SPATA6: variants seen among roughly 807,000 people sequenced by gnomAD.
SPATA6 encodes spermatogenesis-associated protein 6.
Under a neutral mutation model 65.3 loss-of-function variants are expected in SPATA6, and 56 were observed. The ratio of observed to expected loss-of-function variants is 0.86; its 90% CI spans 0.69 to 1.07. SPATA6 has a LOEUF of 1.07. Ranked by LOEUF, SPATA6 falls within the 50% of genes least tolerant of loss-of-function variation. SPATA6 has a pLI of 0.00. For missense variants in SPATA6, 590 were observed against 594.8 expected (o/e 0.99, Z 0.08); for synonymous variants, 199 against 213.2 (o/e 0.93, Z 0.58).
At chr1:48,382,640 CCCGCCT>C (rs1648843465) in intron 9 of SPATA6, among the ~76,000 whole-genome samples, 1 of 89,304 alleles carries the variant, frequency 1.1e-5, no homozygotes, top group Non-Finnish European at 2.5e-5. Flanking sequence ...CCCCCCCCCC[CCCGCCT>C]CCCTCCCGGA....
chr1:48,298,824 AG>A lies in SPATA6; in HGVS notation c.1355del (p.Ser452PhefsTer46), dbSNP rs1325801074. The A allele has an allele frequency of 6.2e-6, 10 of 1,614,064 alleles. No homozygotes were observed. The highest frequency in any genetic ancestry group is 7.6e-6 in the Non-Finnish European group (9 of 1,179,954). On this transcript the variant is annotated frameshift_variant, in exon 13 of 13. Coordinates refer to ENST00000371847, the MANE Select transcript of SPATA6 (RefSeq NM_019073.4). LOFTEE classifies it high-confidence loss of function. ...TGGGTCGGTGGGATTTTCCCTTATA[AG>A]AGGCTGCCCTGTTGGACCAGTATTC... ...DGEYWSNRAASYKGKSHRPIF... is the reference protein window; with the variant it reads ...DGEYWSNRAAXYKGKSHRPIF...
intron 3 of SPATA6, among the ~76,000 whole-genome samples, chr1:48,426,543 T>C (rs1653854586): frequency 6.6e-6 from 1 of 152,064 alleles, no homozygotes; most frequent in Non-Finnish European, 1.5e-5. Flanking sequence ...CAGAATACCC[T>C]AGAAAGCAAG....
chr1:48,406,491 T>C (rs1359137412), intron 5 of SPATA6, among the ~76,000 whole-genome samples: 1 of 152,234 alleles, frequency 6.6e-6, no homozygotes, highest in Non-Finnish European at 1.5e-5. Context: ...CACACCATTT[T>C]AAATGTCAGT....
At chr1:48,367,501 T>A (rs1647062981) in intron 9 of SPATA6, among the ~76,000 whole-genome samples, 1 of 152,236 alleles carries the variant, frequency 6.6e-6, no homozygotes, top group Non-Finnish European at 1.5e-5. Context: ...GCATATATAT[T>A]TAGGATAGTT....
intron 9 of SPATA6, 115 bp from the exon 10 acceptor site, chr1:48,359,885 A>ATTTTATTAC: frequency 1.3e-6 from 1 of 767,958 alleles, no homozygotes; most frequent in Non-Finnish European, 1.9e-6. Flanking sequence ...ACACACACTA[A>ATTTTATTAC]TTTTATAAAA....
At chr1:48,280,862 C>A in the SPATA6 span, among the ~76,000 whole-genome samples, 1 of 152,106 alleles carries the variant, frequency 6.6e-6, no homozygotes, top group Admixed American at 6.6e-5. Context: ...ATACCAAAGC[C>A]GAGCAGAGAC....
chr1:48,337,625 A>G (rs974832096), intron 11 of SPATA6, among the ~76,000 whole-genome samples: 2 of 151,930 alleles, frequency 1.3e-5, no homozygotes, highest in Non-Finnish European at 2.9e-5. Context: ...CAAAAACTAC[A>G]ATCTATTAAT....
Position 48,453,138 on chromosome 1 carries a change from G to A in SPATA6, c.52-7C>T. ...CGACTCCTGGGCAAGTTACCTGAAA[G>A]AAATTAGATAAAATGGATGTAACTG... On this transcript the variant is annotated splice_polypyrimidine_tract_variant and splice_region_variant and intron_variant, in intron 1 of 12. Transcript: ENST00000371847. The A allele has an allele frequency of 6.2e-7, 1 of 1,606,704 alleles. No homozygotes were observed. The highest frequency in any genetic ancestry group is 8.5e-7 in the Non-Finnish European group (1 of 1,177,648).
intron 1 of SPATA6, among the ~76,000 whole-genome samples, chr1:48,466,087 T>TA (rs750081046): frequency 1.8e-4 from 27 of 152,096 alleles, no homozygotes; most frequent in Non-Finnish European, 3.1e-4. Flanking sequence ...AAATGCTCCC[T>TA]AGGGCACACA....
rs1038181853 is a variant in SPATA6, at chr1:48,316,799, T to C, written c.1195-10921A>G. 1.4e-4 allele frequency among the ~76,000 whole-genome samples: 22 copies of C among 152,168 alleles called. 1 individual carries two copies. The highest frequency in any genetic ancestry group is 5.1e-4 in the African/African-American group (21 of 41,422). ...ATCTACTAATCTGACAAAGGGCTAA[T>C]ATCTAGAATCTGCAATGAACTAAAA... On this transcript the variant is annotated intron_variant, in intron 11 of 12. Transcript: ENST00000371847.
At position 48,472,163 on chromosome 1, in the gene SPATA6, G is replaced by C. The variant is rs1021565777; in HGVS notation, c.-155C>G. On this transcript the variant is annotated 5_prime_UTR_variant, in exon 1 of 13. Transcript: ENST00000371847. Reference sequence around the variant, plus strand: ...GGGCCCGCGGTCCAGCCTGGGTTCCGCCGGAGAAGCAGCTGAGCGCGGGGC... The same window carrying C: ...GGGCCCGCGGTCCAGCCTGGGTTCCCCCGGAGAAGCAGCTGAGCGCGGGGC... 1.7e-6 allele frequency: 1 copy of C among 577,356 alleles called. No homozygotes were observed. 35.8% of individuals were successfully genotyped at this position (577,356 alleles called of 1,614,324 possible). A position where few individuals can be genotyped will look rare whatever the true frequency, so the allele number is the denominator to read the frequency against.
the SPATA6 span, among the ~76,000 whole-genome samples, chr1:48,278,229 GGA>G: frequency 1.1e-5 from 1 of 94,346 alleles, no homozygotes; most frequent in East Asian, 5.9e-4. Flanking sequence ...ACAAAGATGG[GGA>G]AAAAAACAGA....
At chr1:48,306,389 A>G (rs4626930) in intron 11 of SPATA6, among the ~76,000 whole-genome samples, 64,760 of 151,758 alleles carry the variant, frequency 0.43, 14,946 homozygotes, top group African/African-American at 0.62. Context: ...GAAAGGCAAG[A>G]TAATTGGAAT....
downstream of SPATA6, among the ~76,000 whole-genome samples, chr1:48,290,600 C>T (rs537817876): frequency 6.6e-6 from 1 of 152,066 alleles, no homozygotes; most frequent in East Asian, 1.9e-4. Flanking sequence ...TTCAGGAGAC[C>T]CATCTCATGT....
At chr1:48,300,842 CATTCAATACA>C (rs1644919773) in intron 12 of SPATA6, among the ~76,000 whole-genome samples, 1 of 151,866 alleles carries the variant, frequency 6.6e-6, no homozygotes. Context: ...GCTGAAAAAG[CATTCAATACA>C]ATTCAACATC....
chr1:48,287,801 G>C, the SPATA6 span, among the ~76,000 whole-genome samples: 5 of 152,134 alleles, frequency 3.3e-5, no homozygotes, highest in Non-Finnish European at 5.9e-5. Flanking sequence ...TTATAACAAT[G>C]CAAAAACAAA....
chr1:48,418,149 T>C lies in SPATA6; in HGVS notation c.239-4998A>G, dbSNP rs544837143. Among the ~76,000 whole-genome samples, 5 of 152,332 alleles carry C rather than the reference T, an allele frequency of 3.3e-5. No homozygotes were observed. In the East Asian group the frequency reaches 5.8e-4, roughly 18 times the overall value. On this transcript the variant is annotated intron_variant, in intron 3 of 12. Transcript: ENST00000371847. Reference sequence around the variant, plus strand: ...TTTAAACTAATCTTAGTTATTATCATAGATCACTGGATAAGCAACTTTTGC... The same window carrying C: ...TTTAAACTAATCTTAGTTATTATCACAGATCACTGGATAAGCAACTTTTGC...
At chr1:48,354,448 T>A (rs1646600349) in intron 11 of SPATA6, among the ~76,000 whole-genome samples, 1 of 152,128 alleles carries the variant, frequency 6.6e-6, no homozygotes, top group Admixed American at 6.6e-5. Context: ...TTACAGCAGC[T>A]CTGTAATAGC....
the SPATA6 span, among the ~76,000 whole-genome samples, chr1:48,274,452 T>G: frequency 1.2e-4 from 18 of 152,330 alleles, no homozygotes; most frequent in African/African-American, 4.3e-4. Context: ...TAGGTTTTCT[T>G]CTAGGGTTTT....
Sources: allele counts gnomAD v4.1 joint callset (sites outside exome capture counted in the v4.1 genomes callset), GRCh38; gene constraint gnomAD v4.1.1; transcripts MANE v1.5; gene names NCBI Gene and HGNC (gene_info 2026-07-23, HGNC 2026-07-21).